The following PWWP3A variants were observed in gnomAD, a reference collection of about 807,000 sequenced individuals.
PWWP3A encodes the protein PWWP domain-containing DNA repair factor 3A.
In PWWP3A, 53 loss-of-function variants were observed where a neutral mutation model predicts 79.0. The observed-to-expected ratio is 0.67, with a 90% CI of 0.54 to 0.84. The LOEUF is 0.84. PWWP3A is among the 40% of genes least tolerant of loss of function. The pLI, the probability that PWWP3A is intolerant of heterozygous loss-of-function variation, is 0.00. For missense variants in PWWP3A, 973 were observed against 948.0 expected, an observed-to-expected ratio of 1.03 and a Z score of -0.35; for synonymous variants, 443 against 394.4, an observed-to-expected ratio of 1.12 and a Z score of -1.46.
At chr19:1,362,454 T>C in intron 6 of PWWP3A, 103 bp downstream of exon 6, 1 of 826,988 alleles carries the variant, frequency 1.2e-6, no homozygotes, top group Non-Finnish European at 1.9e-6. Flanking sequence ...AAAGGTCTCC[T>C]GCGAGTTCAT....
At chr19:1,364,457 A>G (rs2082087097) in intron 6 of PWWP3A, 52 bp from the exon 7 acceptor site, 1 of 1,411,672 alleles carries the variant, frequency 7.1e-7, no homozygotes, top group Admixed American at 2.1e-5. Flanking sequence ...CTTGATATGG[A>G]TTTGACTTGT....
intron 4 of PWWP3A, chr19:1,359,343 G>A (rs2081958450): frequency 6.6e-6 from 1 of 151,686 alleles, no homozygotes; most frequent in South Asian, 2.1e-4. Flanking sequence ...TTTAAAGCAG[G>A]ATCCATCTCT....
chr19:1,368,767 C>G lies in PWWP3A; in HGVS notation c.1423-498C>G, dbSNP rs935380641. Among the ~76,000 whole-genome samples the G allele has an allele frequency of 2.0e-5, 3 of 152,246 alleles. No homozygotes were observed. Among genetic ancestry groups the G allele is most frequent in the Non-Finnish European group, 4.4e-5 (3 of 68,042 alleles). ...CTGTTAGAGCAGCTTATTTCCAGGA[C>G]TTGATGTCCTGTCATGTGGCACAGT... On this transcript the variant is annotated intron_variant, in intron 9 of 13. Coordinates refer to ENST00000591337, the MANE Select transcript of PWWP3A (RefSeq NM_001369789.1). This position sits in a 1 kb window ranked among gnomAD's most constrained non-coding sequence, Gnocchi z 4.7.
At chr19:1,356,073 C>A (rs1432440606) in intron 1 of PWWP3A, among the ~76,000 whole-genome samples, 1 of 152,142 alleles carries the variant, frequency 6.6e-6, no homozygotes, top group Non-Finnish European at 1.5e-5. Flanking sequence ...TAAAACTGAT[C>A]TAGATAGAAC....
At chr19:1,357,626 C>T (rs2081907936) in intron 3 of PWWP3A, 2 of 152,862 alleles carry the variant, frequency 1.3e-5, no homozygotes, top group South Asian at 4.1e-4. Context: ...GAGTGTCTGG[C>T]ACTGGGAAAG....
rs1057393347 is a variant in PWWP3A, at chr19:1,368,727, T to C, written c.1423-538T>C. ...GCCTAGCCTGGCTGCAGACGATAGCTCCCAACAAAAACGGCTGTTAGAGCA... is the reference window on the plus strand; with the variant it reads ...GCCTAGCCTGGCTGCAGACGATAGCCCCCAACAAAAACGGCTGTTAGAGCA... On this transcript the variant is annotated intron_variant, in intron 9 of 13. Transcript: ENST00000591337. This position sits in a 1 kb window ranked among gnomAD's most constrained non-coding sequence, Gnocchi z 4.7. Among the ~76,000 whole-genome samples the C allele has an allele frequency of 6.6e-6, 1 of 152,154 alleles. No individual in the cohort carries two copies. Among genetic ancestry groups the C allele is most frequent in the Non-Finnish European group, 1.5e-5 (1 of 68,016 alleles).
At position 1,357,087 on chromosome 19, in the gene PWWP3A, G is replaced by C. The variant is rs2144688576; in HGVS notation, c.136G>C (p.Glu46Gln). 1.2e-6 allele frequency: 2 copies of C among 1,606,770 alleles called. No individual in the cohort carries two copies. Among genetic ancestry groups the C allele is most frequent in the Middle Eastern group, 1.7e-4 (1 of 6,040 alleles). The change falls in exon 3 of 14, where the codon GAG (glutamate) becomes CAG (glutamine). Residue 46 changes from glutamate (E) to glutamine (Q), a missense_variant. Physicochemically the swap from Glu to Gln is conservative, Grantham distance 29. Coordinates refer to ENST00000591337, the MANE Select transcript of PWWP3A (RefSeq NM_001369789.1). Reference protein sequence around the residue: ...YFLAVQILSLEEKIKVKSTEV... With the variant: ...YFLAVQILSLQEKIKVKSTEV... Reference sequence around the variant, plus strand: ...TCTAGCTGTGCAAATCCTCTCTCTAGAGGAAAAGTTAAGTGTTGTGTTGTT... The same window carrying C: ...TCTAGCTGTGCAAATCCTCTCTCTACAGGAAAAGTTAAGTGTTGTGTTGTT...
At position 1,358,750 on chromosome 19, in the gene PWWP3A, G is replaced by A. The variant is rs1454224704; in HGVS notation, c.214+286G>A. On this transcript the variant is annotated intron_variant, in intron 4 of 13. Coordinates refer to ENST00000591337, the MANE Select transcript of PWWP3A (RefSeq NM_001369789.1). ...CCCCGTGGCCTCCAGTACACAAGAC[G>A]AGGAAGGACTTTGCTGCCATAAGGG... The A allele has an allele frequency of 8.0e-6, 10 of 1,247,034 alleles. No homozygotes were observed. In the Admixed American group the frequency reaches 1.4e-4, roughly 18 times the overall value. The allele number at this position is 1,247,034 out of a possible 1,614,324, so 77.2% of individuals were successfully genotyped here.
chr19:1,366,502 G>A (rs2082132701), intron 8 of PWWP3A, 121 bp downstream of exon 8: 1 of 878,356 alleles, frequency 1.1e-6, no homozygotes, highest in Non-Finnish European at 1.9e-6. Flanking sequence ...GTCCAGGCCC[G>A]GGCAGGGCTA....
At position 1,369,770 on chromosome 19, in the gene PWWP3A, C is replaced by A; in HGVS notation, c.1549+124C>A. The A allele has an allele frequency of 3.7e-6, 4 of 1,086,130 alleles. No individual in the cohort carries two copies. The highest frequency in any genetic ancestry group is 5.7e-6 in the Non-Finnish European group (4 of 705,070). 67.3% of individuals were successfully genotyped at this position (1,086,130 alleles called of 1,614,324 possible). A position where few individuals can be genotyped will look rare whatever the true frequency, so the allele number is the denominator to read the frequency against. On this transcript the variant is annotated intron_variant, in intron 11 of 13. Transcript: ENST00000591337. This position sits in a 1 kb window ranked among gnomAD's most constrained non-coding sequence, Gnocchi z 4.0. ...CAAGGCACTGTCCGCAGCCACACAG[C>A]ATTGTTCAACCTCTATGAGGTTTTG...
At chr19:1,370,246 C>T (rs149951545) in intron 11 of PWWP3A, among the ~76,000 whole-genome samples, 16 of 152,226 alleles carry the variant, frequency 1.1e-4, no homozygotes, top group African/African-American at 3.4e-4. Flanking sequence ...AAAAAGAGAA[C>T]GTGTCACGAA....
In PWWP3A at chr19:1,368,866, GCGTT is replaced by G. The variant is rs2082185743; in HGVS notation, c.1423-397_1423-394del. On this transcript the variant is annotated intron_variant, in intron 9 of 13. Transcript: ENST00000591337. This position sits in a 1 kb window ranked among gnomAD's most constrained non-coding sequence, Gnocchi z 4.7. ...GCCTTCGGGTCCCCGGTGCCCACCT[GCGTT>G]CAGACCAGCCCAAGCCATCGGGTCC... Among the ~76,000 whole-genome samples, 1 of 143,690 alleles carries G rather than the reference GCGTT, an allele frequency of 7.0e-6. No individual in the cohort carries two copies. The highest frequency in any genetic ancestry group is 2.8e-5 in the African/African-American group (1 of 36,296). The allele number at this position is 143,690 out of a possible 152,430, so 94.3% of individuals were successfully genotyped here. A position where few individuals can be genotyped will look rare whatever the true frequency, so the allele number is the denominator to read the frequency against.
chr19:1,359,652 T>C (rs1309768414), intron 4 of PWWP3A: 3 of 152,522 alleles, frequency 2.0e-5, no homozygotes, highest in Non-Finnish European at 4.4e-5. Context: ...CAAAGAAGTA[T>C]TGAAAATTTA....
rs199931959 is a variant in PWWP3A at position 1,369,547 on chromosome 19, G to A, written c.1499-49G>A. ...GCCAGCCCCTGGAACACACTTCCTG[G>A]GACTCCTCTTAGGTCTACACAGTGC... On this transcript the variant is annotated intron_variant, in intron 10 of 13. Coordinates refer to ENST00000591337, the MANE Select transcript of PWWP3A (RefSeq NM_001369789.1). This position sits in a 1 kb window ranked among gnomAD's most constrained non-coding sequence, Gnocchi z 4.0. The A allele has an allele frequency of 1.8e-5, 29 of 1,606,700 alleles. No homozygotes were observed. The highest frequency in any genetic ancestry group is 2.4e-5 in the Non-Finnish European group (28 of 1,173,454).
chr19:1,360,826 G>T lies in PWWP3A; in HGVS notation c.905G>T (p.Arg302Met). The T allele has an allele frequency of 6.4e-7, 1 of 1,568,684 alleles. No individual in the cohort carries two copies. The highest frequency in any genetic ancestry group is 1.2e-5 in the South Asian group (1 of 86,440). The change falls in exon 5 of 14, where the codon AGG becomes ATG. Residue 302 changes from arginine to methionine, a missense_variant. Physicochemically the swap from Arg to Met is moderately conservative, Grantham distance 91 (BLOSUM62 -1). Transcript: ENST00000591337. The surrounding 1 kb of genome is among the most constrained non-coding windows in gnomAD (Gnocchi z 4.4). ...SEPGECPAKK[R>M]PRLDGSQRPP... ...CCTGGAGAATGCCCTGCGAAAAAGA[G>T]GCCGCGCCTGGATGGCAGCCAAAGG...
At chr19:1,361,156 C>T (rs2082006748) in intron 5 of PWWP3A, 124 bp downstream of exon 5, 3 of 950,968 alleles carry the variant, frequency 3.2e-6, no homozygotes, top group Non-Finnish European at 4.2e-6. Context: ...CCAAAATAGA[C>T]TTAGAGCAGA....
chr19:1,365,177 A>G (rs2082102378), intron 7 of PWWP3A, among the ~76,000 whole-genome samples: 1 of 152,224 alleles, frequency 6.6e-6, no homozygotes. Context: ...AATATTGTGC[A>G]TTTCACCCCA....
intron 4 of PWWP3A, chr19:1,359,713 C>T (rs1568929303): frequency 6.4e-6 from 1 of 155,542 alleles, no homozygotes; most frequent in Non-Finnish European, 1.4e-5. Context: ...ACCACCAACC[C>T]CTGCACCAAC....
intron 11 of PWWP3A, 103 bp from the exon 12 acceptor site, chr19:1,370,539 G>A: frequency 9.3e-7 from 1 of 1,074,944 alleles, no homozygotes; most frequent in Non-Finnish European, 1.3e-6. Flanking sequence ...GCTAGGGTCT[G>A]CCCCCATCCC....
Sources: allele counts gnomAD v4.1 joint callset (sites outside exome capture counted in the v4.1 genomes callset), GRCh38; gene constraint gnomAD v4.1.1; non-coding constraint Gnocchi (gnomAD v3.1); transcripts MANE v1.5; gene names NCBI Gene and HGNC (gene_info 2026-07-23, HGNC 2026-07-21).